Variants in VCPKMT observed in about 807,000 individuals in gnomAD.
The protein encoded by VCPKMT is protein N-lysine methyltransferase METTL21D.
A neutral mutation model predicts 28.6 loss-of-function variants in VCPKMT; 32 were observed. The observed-to-expected ratio is 1.12, with a 90% confidence interval of 0.84 to 1.50. VCPKMT has a LOEUF of 1.50. Ranked by LOEUF, VCPKMT falls within the 40% of genes most tolerant of loss-of-function variation. The probability of loss-of-function intolerance (pLI) is 0.00; values close to 1 mark genes in which losing one functional copy is unlikely to be tolerated. For missense variants in VCPKMT, 366 were observed against 285.0 expected, an observed-to-expected ratio of 1.28 and a Z score of -2.05; for synonymous variants, 138 against 111.4, an observed-to-expected ratio of 1.24 and a Z score of -1.50.
Position 50,116,335 on chromosome 14 carries a change from TC to T in VCPKMT, c.217del (p.Glu73SerfsTer21). Reference sequence around the variant, plus strand: ...CACGGCCCCGGTGCCCGAACCCAGCTCCAGCACCGACCGCCGGCTCAGCGCG... The same window carrying T: ...CACGGCCCCGGTGCCCGAACCCAGCTCAGCACCGACCGCCGGCTCAGCGCG... ...AHALSRRSVL[E>X]LGSGTGAVGL... is the part of the protein sequence containing the mutation. On this transcript the variant is annotated frameshift_variant, in exon 1 of 6. Coordinates refer to ENST00000395860, the MANE Select transcript of VCPKMT (RefSeq NM_024558.3). LOFTEE classifies it high-confidence loss of function. 6.2e-7 allele frequency: 1 copy of T among 1,610,892 alleles called. No individual in the cohort carries two copies. The highest frequency in any genetic ancestry group is 1.1e-5 in the South Asian group (1 of 90,792).
At chr14:50,109,819 A>AGCATGCCTAGTAGC (rs1882523639) in intron 5 of VCPKMT, 106 bp from the exon 6 acceptor site, 4 of 1,307,378 alleles carry the variant, frequency 3.1e-6, no homozygotes, top group Non-Finnish European at 4.1e-6. Flanking sequence ...TGCCTAGTAT[A>AGCATGCCTAGTAGC]ACAGTGGCTA....
chr14:50,108,552 C>G, downstream of VCPKMT: 5 of 942,724 alleles, frequency 5.3e-6, no homozygotes, highest in Non-Finnish European at 5.1e-6. Context: ...TCCTTAATGT[C>G]TCTAAATAGG....
Position 50,116,542 on chromosome 14 carries a change from G to C in VCPKMT, c.11C>G (p.Thr4Arg). Residue 4 changes from threonine to arginine, a missense_variant, in exon 1 of 6, where the codon ACG (threonine) becomes AGG (arginine). By Grantham distance (71) the Thr-to-Arg change is moderately conservative. Coordinates refer to ENST00000395860, the MANE Select transcript of VCPKMT (RefSeq NM_024558.3). MAD[T>R]LESSLEDPLR... ...TGGGTCCTCCAGCGAGGACTCCAGC[G>C]TATCCGCCATTGCGCCCGGCAACAG... 6.2e-7 allele frequency: 1 copy of C among 1,606,890 alleles called. No homozygotes were observed. Among genetic ancestry groups the C allele is most frequent in the Non-Finnish European group, 8.5e-7 (1 of 1,175,416 alleles).
At chr14:50,111,107 T>C (rs1305623789) in intron 5 of VCPKMT, 2 of 872,404 alleles carry the variant, frequency 2.3e-6, no homozygotes, top group Middle Eastern at 6.0e-4. Flanking sequence ...AACCACCAAA[T>C]TGTACACCTT....
At position 50,108,927 on chromosome 14, in the gene VCPKMT, AAAGTGCATGAGCCACGT is replaced by A. The variant is rs1460256424; in HGVS notation, c.*755_*771del. The A allele has an allele frequency of 3.0e-6, 3 of 985,362 alleles. No homozygotes were observed. Among genetic ancestry groups the A allele is most frequent in the Non-Finnish European group, 3.6e-6 (3 of 829,946 alleles). 61.0% of individuals were successfully genotyped at this position (985,362 alleles called of 1,614,324 possible). The stretch of plus-strand genomic sequence containing the variant: ...CCAGATTTTCCTGGAACATATACAT[AAAGTGCATGAGCCACGT>A]AAGTGCATAAGCCTGAAACTGGTCT... On this transcript the variant is annotated 3_prime_UTR_variant, in exon 6 of 6. Coordinates refer to ENST00000395860, the MANE Select transcript of VCPKMT (RefSeq NM_024558.3).
chr14:50,111,303 G>GT (rs958486448), intron 5 of VCPKMT: 38 of 984,624 alleles, frequency 3.9e-5, no homozygotes, highest in Admixed American at 1.2e-4. Flanking sequence ...GCACAAAACA[G>GT]TTTTTTTTGT....
chr14:50,116,248 G>A (rs1555367190), intron 1 of VCPKMT, 39 bp downstream of exon 1: 2 of 1,610,966 alleles, frequency 1.2e-6, no homozygotes. Flanking sequence ...TCCCCAGCAA[G>A]AAGGCGCCCC....
chr14:50,111,123 C>G (rs1036673058), intron 5 of VCPKMT: 2 of 911,624 alleles, frequency 2.2e-6, no homozygotes, highest in African/African-American at 3.7e-5. Flanking sequence ...ACCTTAAAAG[C>G]GTGAATTTTA....
downstream of VCPKMT, among the ~76,000 whole-genome samples, chr14:50,104,700 A>AC (rs980008188): frequency 3.9e-5 from 6 of 152,058 alleles, no homozygotes; most frequent in African/African-American, 1.4e-4. Context: ...ATTGAAAAAA[A>AC]AAAAAAAAAC....
chr14:50,111,745 G>T, intron 5 of VCPKMT: 1 of 594,056 alleles, frequency 1.7e-6, no homozygotes, highest in Non-Finnish European at 2.1e-6. Flanking sequence ...AATTAGCTGG[G>T]CATGGTGGTG....
At chr14:50,115,380 G>A (rs1486557140) in intron 3 of VCPKMT, among the ~76,000 whole-genome samples, 1 of 152,112 alleles carries the variant, frequency 6.6e-6, no homozygotes, top group Non-Finnish European at 1.5e-5. Flanking sequence ...TCGAACTCCC[G>A]ACCTCAGGTG....
chr14:50,111,640 G>A, intron 5 of VCPKMT: 1 of 982,962 alleles, frequency 1.0e-6, no homozygotes, highest in Non-Finnish European at 1.2e-6. Flanking sequence ...CAATTTGGGA[G>A]GCCGAGGTGG....
At position 50,116,151 on chromosome 14, in the gene VCPKMT, C is replaced by T; in HGVS notation, c.295G>A (p.Glu99Lys). 6.2e-7 allele frequency: 1 copy of T among 1,614,114 alleles called. No individual in the cohort carries two copies. Among genetic ancestry groups the T allele is most frequent in the Non-Finnish European group, 8.5e-7 (1 of 1,180,040 alleles). ...GADVVVTDLE[E>K]LQDLLKMNIN... ...TTCATCTTCAGCAAGTCTTGCAATT[C>T]CTCAAGATCGGTGACTACAACATCA... The change falls in exon 2 of 6, where the codon GAA becomes AAA. Residue 99 changes from glutamate (E) to lysine (K), a missense_variant. By Grantham distance (56) the Glu-to-Lys change is moderately conservative. Coordinates refer to ENST00000395860, the MANE Select transcript of VCPKMT (RefSeq NM_024558.3).
chr14:50,109,844 G>C (rs1882525334), intron 5 of VCPKMT, 131 bp from the exon 6 acceptor site: 1 of 1,046,186 alleles, frequency 9.6e-7, no homozygotes, highest in African/African-American at 1.7e-5. Context: ...CAATTCAAGT[G>C]AACAACCATG....
chr14:50,105,317 T>A (rs1253008212), downstream of VCPKMT, among the ~76,000 whole-genome samples: 1 of 152,184 alleles, frequency 6.6e-6, no homozygotes, highest in Non-Finnish European at 1.5e-5. Context: ...ACTAACATTC[T>A]GGATTAATAG....
Position 50,114,366 on chromosome 14 carries a change from G to T in VCPKMT, c.489C>A (p.Ser163Arg). ...AACATATAATACAAGTTTCAAATCC[G>T]CTGATATCTTTTAGAGTTTTCAGCA... The part of the protein sequence containing the change: ...EPLLKTLKDI[S>R]GFETCIICCY... The change falls in exon 4 of 6, where the codon AGC becomes AGA. Residue 163 changes from serine to arginine, a missense_variant. By Grantham distance (110) the Ser-to-Arg change is moderately radical (BLOSUM62 -1). Coordinates refer to ENST00000395860, the MANE Select transcript of VCPKMT (RefSeq NM_024558.3). 1 of 1,580,708 alleles carries T rather than the reference G, an allele frequency of 6.3e-7. No homozygotes were observed.
At chr14:50,111,284 T>C in intron 5 of VCPKMT, 1 of 985,184 alleles carries the variant, frequency 1.0e-6, no homozygotes, top group Non-Finnish European at 1.2e-6. Context: ...TAACACTAGA[T>C]CCCTTAAAGC....
At chr14:50,114,579 TA>T (rs1882968048) in intron 3 of VCPKMT, among the ~76,000 whole-genome samples, 175 bp from the exon 4 acceptor site, 1 of 152,148 alleles carries the variant, frequency 6.6e-6, no homozygotes, top group Admixed American at 6.5e-5. Flanking sequence ...CTCACACCTG[TA>T]ATATCAACAC....
chr14:50,112,571 GATGAAACCTCCTT>G (rs1170250546), intron 5 of VCPKMT, 31 bp downstream of exon 5: 1 of 1,308,066 alleles, frequency 7.6e-7, no homozygotes, highest in Admixed American at 2.0e-5. Context: ...GTGTCCAGCT[GATGAAACCTCCTT>G]GGAGAATGAA....
Sources: allele counts gnomAD v4.1 joint callset (sites outside exome capture counted in the v4.1 genomes callset), GRCh38; gene constraint gnomAD v4.1.1; transcripts MANE v1.5; gene names NCBI Gene and HGNC (gene_info 2026-07-23, HGNC 2026-07-21).